Variants in TRA2B observed in about 807,000 individuals in gnomAD.
TRA2B encodes transformer 2 beta homolog, also known as transformer-2 protein homolog beta.
Under a neutral mutation model 41.7 loss-of-function variants are expected in TRA2B, and 14 were observed. That is an observed-to-expected ratio of 0.34 (90% CI 0.22 to 0.53). TRA2B has a LOEUF of 0.53. Among genes scored for constraint, TRA2B ranks in the 20% least tolerant of loss-of-function variants. The pLI, the probability that TRA2B is intolerant of heterozygous loss-of-function variation, is 0.95. For missense variants in TRA2B, 167 were observed against 396.8 expected (o/e 0.42, Z 4.92); for synonymous variants, 130 against 128.8 (o/e 1.01, Z -0.06).
At position 185,918,758 on chromosome 3, in the gene TRA2B, C is replaced by CA. The variant is rs199862318; in HGVS notation, c.783-321dup. On this transcript the variant is annotated intron_variant, in intron 7 of 8. Transcript: ENST00000453386. ...TGCGGTGGCTCAACGCCTATAATCC[C>CA]AGCACTTTGGGAGGCCAAGGCAGGA... Among the ~76,000 whole-genome samples the CA allele has an allele frequency of 3.4e-3, 520 of 152,176 alleles. 2 individuals are homozygous for CA. The highest frequency in any genetic ancestry group is 0.012 in the African/African-American group (491 of 41,502).
intron 2 of TRA2B, among the ~76,000 whole-genome samples, chr3:185,926,027 CA>C (rs773236838): frequency 1.8e-4 from 27 of 151,820 alleles, no homozygotes; most frequent in Non-Finnish European, 3.4e-4. Context: ...GTTAAAAAAA[CA>C]AAAAATTGAG....
intron 1 of TRA2B, chr3:185,934,563 A>G (rs1744275576): frequency 1.0e-6 from 1 of 985,348 alleles, no homozygotes; most frequent in South Asian, 4.7e-5. Context: ...TGATAAACCT[A>G]ACCAGACTCA....
rs908468295 is a variant in TRA2B, at chr3:185,936,330, ACTTT to A, written c.36+1491_36+1494del. On this transcript the variant is annotated intron_variant, in intron 1 of 8. Transcript: ENST00000453386. ...TTAACAACTTTTGAGCTCAATCCCAACTTTCTTACCCAAGAAAGCAAGAACTTAA... is the reference window on the plus strand; with the variant it reads ...TTAACAACTTTTGAGCTCAATCCCAACTTACCCAAGAAAGCAAGAACTTAA... 1.6e-5 allele frequency: 16 copies of A among 985,242 alleles called. No individual in the cohort carries two copies. In the African/African-American group the frequency reaches 2.8e-4, roughly 17 times the overall value. 61.0% of individuals were successfully genotyped at this position (985,242 alleles called of 1,614,324 possible).
At chr3:185,933,255 T>G (rs1046615903) in intron 1 of TRA2B, among the ~76,000 whole-genome samples, 1 of 152,208 alleles carries the variant, frequency 6.6e-6, no homozygotes, top group Non-Finnish European at 1.5e-5. Flanking sequence ...GATACCTTCC[T>G]GCTGTTACTT....
chr3:185,926,524 T>C, intron 2 of TRA2B, 77 bp downstream of exon 2: 3 of 1,578,656 alleles, frequency 1.9e-6, no homozygotes, highest in Non-Finnish European at 2.6e-6. Context: ...TAACCCTCTC[T>C]ACCTTCCTGG....
In TRA2B at chr3:185,921,143, C is replaced by T; in HGVS notation, c.683G>A (p.Arg228Gln). The T allele has an allele frequency of 1.9e-6, 3 of 1,614,074 alleles. No homozygotes were observed. Among genetic ancestry groups the T allele is most frequent in the Non-Finnish European group, 2.5e-6 (3 of 1,180,016 alleles). Residue 228 changes from arginine to glutamine, a missense_variant, in exon 6 of 9, where the codon CGG (arginine) becomes CAG (glutamine). Coordinates refer to ENST00000453386, the MANE Select transcript of TRA2B (RefSeq NM_004593.3). ...RRDYYDRGYD[R>Q]GYDDRDYYSR... is the part of the protein sequence containing the mutation. ...ATAGTAGTCCCGATCATCATAGCCC[C>T]GATCATATCCTCTGTCATAGTAATC...
At chr3:185,932,135 T>G (rs1184518024) in intron 1 of TRA2B, among the ~76,000 whole-genome samples, 4 of 152,204 alleles carry the variant, frequency 2.6e-5, no homozygotes, top group Non-Finnish European at 4.4e-5. Context: ...TTTTAAGAAC[T>G]ATTAGTTACA....
chr3:185,922,290 C>G (rs764660132), intron 4 of TRA2B, 164 bp from the exon 5 acceptor site: 1 of 440,000 alleles, frequency 2.3e-6, no homozygotes, highest in Non-Finnish European at 4.0e-6. Flanking sequence ...GTTCCCTCTA[C>G]TAAATGTTCA....
rs1743482766 is a variant in TRA2B at position 185,915,880 on chromosome 3, TGCCTGTATA to T, written c.*1826_*1834del. The T allele has an allele frequency of 1.3e-5, 2 of 152,168 alleles. No individual in the cohort carries two copies. Among genetic ancestry groups the T allele is most frequent in the Admixed American group, 6.5e-5 (1 of 15,276 alleles). 9.4% of individuals were successfully genotyped at this position (152,168 alleles called of 1,614,324 possible). Reference sequence around the variant, plus strand: ...AGAATGTAGTTACTTCAGGAAAGGATGCCTGTATATACTACCACGATAAAACCAGGTTTC... The same window carrying T: ...AGAATGTAGTTACTTCAGGAAAGGATTACTACCACGATAAAACCAGGTTTC... On this transcript the variant is annotated 3_prime_UTR_variant, in exon 9 of 9. Coordinates refer to ENST00000453386, the MANE Select transcript of TRA2B (RefSeq NM_004593.3).
In TRA2B at chr3:185,937,958, G is replaced by C. The variant is rs1163254310; in HGVS notation, c.-98C>G. On this transcript the variant is annotated 5_prime_UTR_variant, in exon 1 of 9. Coordinates refer to ENST00000453386, the MANE Select transcript of TRA2B (RefSeq NM_004593.3). ...GCTCCGCCGCAGCCCCGCACGACGC[G>C]CCGGTCGCCCAGCCGCTCAGAGCCG... is the stretch of plus-strand genomic sequence containing the variant. 6.8e-7 allele frequency: 1 copy of C among 1,476,706 alleles called. No individual in the cohort carries two copies. Among genetic ancestry groups the C allele is most frequent in the East Asian group, 2.4e-5 (1 of 42,182 alleles). 91.5% of individuals were successfully genotyped at this position (1,476,706 alleles called of 1,614,324 possible). A position where few individuals can be genotyped will look rare whatever the true frequency, so the allele number is the denominator to read the frequency against.
chr3:185,932,333 C>T (rs1043228939), intron 1 of TRA2B, among the ~76,000 whole-genome samples: 3 of 152,102 alleles, frequency 2.0e-5, no homozygotes, highest in African/African-American at 7.2e-5. Context: ...GATAAAGAAA[C>T]GTATTTAGCG....
chr3:185,926,253 C>G lies in TRA2B; in HGVS notation c.170+348G>C, dbSNP rs571192202. On this transcript the variant is annotated intron_variant, in intron 2 of 8. Coordinates refer to ENST00000453386, the MANE Select transcript of TRA2B (RefSeq NM_004593.3). Reference sequence around the variant, plus strand: ...TATCAAGAATTCTAATTACTGAAAGCCAATGTTCTGCAGTATATTTGCCAT... The same window carrying G: ...TATCAAGAATTCTAATTACTGAAAGGCAATGTTCTGCAGTATATTTGCCAT... Among the ~76,000 whole-genome samples the G allele has an allele frequency of 4.0e-5, 6 of 151,604 alleles. No individual in the cohort carries two copies. The South Asian group carries it at 1.0e-3, about 26-fold the overall frequency.
rs1461690852 is a variant in TRA2B at position 185,914,780 on chromosome 3, G to C, written c.*2935C>G. Among the ~76,000 whole-genome samples, 1 of 151,746 alleles carries C rather than the reference G, an allele frequency of 6.6e-6. No individual in the cohort carries two copies. Among genetic ancestry groups the C allele is most frequent in the East Asian group, 1.9e-4 (1 of 5,152 alleles). ...GGCGTGTCCACTGCTAATAAATCCA[G>C]CCTAATCCATCCTCAAAATTTCCAT... On this transcript the variant is annotated 3_prime_UTR_variant, in exon 9 of 9. Transcript: ENST00000453386.
chr3:185,935,794 C>T (rs539612099), intron 1 of TRA2B: 428 of 985,322 alleles, frequency 4.3e-4, no homozygotes, highest in Middle Eastern at 4.2e-3. Flanking sequence ...CTTAAAGGTT[C>T]CAATTGGAAC....
At chr3:185,927,148 T>G (rs1743982425) in intron 1 of TRA2B, 1 of 152,204 alleles carries the variant, frequency 6.6e-6, no homozygotes. Context: ...CCTATATAAT[T>G]TATATAATTT....
At chr3:185,925,362 T>C in intron 3 of TRA2B, 102 bp downstream of exon 3, 1 of 1,361,314 alleles carries the variant, frequency 7.3e-7, no homozygotes, top group Non-Finnish European at 1.0e-6. Context: ...AAGATTTCAC[T>C]CACGCACCAA....
At chr3:185,929,559 A>AT (rs1209274213) in intron 1 of TRA2B, among the ~76,000 whole-genome samples, 1 of 152,190 alleles carries the variant, frequency 6.6e-6, no homozygotes, top group Non-Finnish European at 1.5e-5. Flanking sequence ...CACAGACTGG[A>AT]TCTCAGCCAC....
chr3:185,922,252 C>CGTA (rs1444845499), intron 4 of TRA2B, 126 bp from the exon 5 acceptor site: 2 of 567,334 alleles, frequency 3.5e-6, no homozygotes, highest in Non-Finnish European at 3.1e-6. Flanking sequence ...TTAGCCAGAA[C>CGTA]GTAAGGTCTA....
At chr3:185,921,682 T>C (rs955205436) in intron 5 of TRA2B, among the ~76,000 whole-genome samples, 2 of 152,168 alleles carry the variant, frequency 1.3e-5, no homozygotes, top group Non-Finnish European at 2.9e-5. Flanking sequence ...GAGAACTGCT[T>C]GAACCCAGGA....
Sources: allele counts gnomAD v4.1 joint callset (sites outside exome capture counted in the v4.1 genomes callset), GRCh38; gene constraint gnomAD v4.1.1; transcripts MANE v1.5; gene names NCBI Gene and HGNC (gene_info 2026-07-23, HGNC 2026-07-21).